Variants in CNOT2 observed in about 807,000 individuals in gnomAD.
The protein encoded by CNOT2 is CC chemokine receptor 4-negative regulator of transcription 2.
In CNOT2, 7 loss-of-function variants were observed where a neutral mutation model predicts 72.1. That is an observed-to-expected ratio of 0.10 (90% CI 0.06 to 0.18). The LOEUF is 0.18. CNOT2 is among the 10% of genes least tolerant of loss of function. The pLI, the probability that CNOT2 is intolerant of heterozygous loss-of-function variation, is 1.00. For synonymous variants in CNOT2, 196 were observed against 225.6 expected (o/e 0.87, Z 1.17); for missense variants, 345 against 660.3 (o/e 0.52, Z 5.23).
At chr12:70,301,872 TATTA>T (rs576476682) in intron 2 of CNOT2, 93 of 152,390 alleles carry the variant, frequency 6.1e-4, no homozygotes, top group African/African-American at 2.1e-3. Context: ...GTTGGTAAGC[TATTA>T]ATTATTGCCT....
intron 3 of CNOT2, among the ~76,000 whole-genome samples, chr12:70,312,560 A>G (rs1464985783): frequency 3.3e-5 from 5 of 151,966 alleles, no homozygotes; most frequent in Non-Finnish European, 5.9e-5. Context: ...CATACTCACA[A>G]ATGTTGGCCA....
chr12:70,313,149 A>T (rs1470629378), intron 3 of CNOT2, among the ~76,000 whole-genome samples: 1 of 151,968 alleles, frequency 6.6e-6, no homozygotes, highest in Non-Finnish European at 1.5e-5. Context: ...TTTTACACAC[A>T]CACAGTGTGA....
intron 2 of CNOT2, among the ~76,000 whole-genome samples, chr12:70,281,481 T>G (rs966579730): frequency 2.6e-5 from 4 of 152,358 alleles, no homozygotes; most frequent in African/African-American, 7.2e-5. Context: ...CTTTCCAATA[T>G]ATCTCCTGTT....
In CNOT2 at chr12:70,265,327, T is replaced by TCTCGTC. The variant is rs200497693; in HGVS notation, c.-95-12805_-95-12804insCTCGTC. Among the ~76,000 whole-genome samples, 304 of 129,294 alleles carry TCTCGTC rather than the reference T, an allele frequency of 2.4e-3. 1 individual carries two copies. The highest frequency in any genetic ancestry group is 4.0e-3 in the Non-Finnish European group (230 of 58,208). 84.8% of individuals were successfully genotyped at this position (129,294 alleles called of 152,430 possible). On this transcript the variant is annotated intron_variant, in intron 1 of 15. Coordinates refer to ENST00000229195, the MANE Select transcript of CNOT2 (RefSeq NM_014515.7). ...TCTCTTCTCTTCTCTTCTCTTCTCT[T>TCTCGTC]TCTTTCTTTTTTCTTTCTTTCTCTC...
intron 14 of CNOT2, 70 bp from the exon 15 acceptor site, chr12:70,346,110 A>T: frequency 9.6e-7 from 1 of 1,037,574 alleles, no homozygotes; most frequent in Non-Finnish European, 1.4e-6. Context: ...GGAAAGCTTT[A>T]CAAAATGTAG....
In CNOT2 at chr12:70,294,497, GA is replaced by G. The variant is rs1357076680; in HGVS notation, c.48+16230del. ...TTAATTCTTGTTAGATGTGAAATAAGAAAAAAACCTTAATAAACTATTAATA... is the reference window on the plus strand; with the variant it reads ...TTAATTCTTGTTAGATGTGAAATAAGAAAAAACCTTAATAAACTATTAATA... On this transcript the variant is annotated intron_variant, in intron 2 of 15. Coordinates refer to ENST00000229195, the MANE Select transcript of CNOT2 (RefSeq NM_014515.7). 3.9e-5 allele frequency among the ~76,000 whole-genome samples: 6 copies of G among 151,934 alleles called. No individual in the cohort carries two copies. The East Asian group carries it at 9.7e-4, about 24-fold the overall frequency.
intron 3 of CNOT2, 166 bp from the exon 4 acceptor site, chr12:70,319,132 C>G (rs1877864834): frequency 2.0e-6 from 1 of 488,666 alleles, no homozygotes; most frequent in Non-Finnish European, 3.5e-6. Flanking sequence ...GTGATATTCT[C>G]TTAAGAAACA....
intron 2 of CNOT2, among the ~76,000 whole-genome samples, chr12:70,298,232 C>T (rs1042830989): frequency 3.3e-5 from 5 of 152,114 alleles, no homozygotes; most frequent in African/African-American, 9.7e-5. Flanking sequence ...CATAAATATT[C>T]GATTGTGGTA....
intron 11 of CNOT2, among the ~76,000 whole-genome samples, chr12:70,340,846 C>A (rs1353746627): frequency 6.6e-6 from 1 of 151,720 alleles, no homozygotes. Flanking sequence ...TGCTCAACAC[C>A]CAGTAAATGT....
intron 2 of CNOT2, among the ~76,000 whole-genome samples, chr12:70,300,007 G>C (rs1297268458): frequency 6.6e-6 from 1 of 152,026 alleles, no homozygotes; most frequent in African/African-American, 2.4e-5. Context: ...TGTTTTTTTG[G>C]CTGCATAAAT....
intron 1 of CNOT2, among the ~76,000 whole-genome samples, chr12:70,269,333 G>T (rs1959174863): frequency 1.4e-5 from 2 of 145,398 alleles, no homozygotes; most frequent in African/African-American, 2.6e-5. Context: ...GTTACTCTCT[G>T]CCAACAACCT....
chr12:70,243,739 A>C (rs951304408), intron 1 of CNOT2: 1 of 151,898 alleles, frequency 6.6e-6, no homozygotes, highest in African/African-American at 2.4e-5. Flanking sequence ...GGTGGACCGG[A>C]CGTAAAGCGT....
intron 2 of CNOT2, chr12:70,294,335 G>A (rs748758150): frequency 1.0e-5 from 13 of 1,272,408 alleles, no homozygotes; most frequent in Non-Finnish European, 1.3e-5. Context: ...AAATGGTACT[G>A]TCATCAGTAT....
chr12:70,255,847 T>C (rs768672651), intron 1 of CNOT2, among the ~76,000 whole-genome samples: 10 of 152,188 alleles, frequency 6.6e-5, no homozygotes, highest in Non-Finnish European at 1.3e-4. Context: ...CTAAAACTTA[T>C]TTATAAAACA....
intron 4 of CNOT2, among the ~76,000 whole-genome samples, chr12:70,328,940 C>G (rs994091701): frequency 3.8e-4 from 58 of 151,802 alleles, no homozygotes; most frequent in African/African-American, 1.3e-3. Flanking sequence ...AGTAAATTGG[C>G]TTTTTCTAAA....
At chr12:70,340,320 C>T (rs1199471801) in intron 11 of CNOT2, among the ~76,000 whole-genome samples, 1 of 152,166 alleles carries the variant, frequency 6.6e-6, no homozygotes, top group Non-Finnish European at 1.5e-5. Context: ...TGGTCTTTTT[C>T]AGTTTCCTTT....
At chr12:70,277,420 T>C (rs952075237) in intron 1 of CNOT2, among the ~76,000 whole-genome samples, 5 of 152,098 alleles carry the variant, frequency 3.3e-5, no homozygotes, top group Admixed American at 6.6e-5. Context: ...TTTTGACTTA[T>C]TTATATCTCT....
intron 2 of CNOT2, among the ~76,000 whole-genome samples, chr12:70,303,928 C>T (rs1593180531): frequency 1.3e-5 from 2 of 152,242 alleles, no homozygotes; most frequent in East Asian, 1.9e-4. Context: ...TCTTTTTTCT[C>T]TAAACTTCTC....
At chr12:70,265,327 T>C (rs1048339969) in intron 1 of CNOT2, among the ~76,000 whole-genome samples, 9 of 129,186 alleles carry the variant, frequency 7.0e-5, no homozygotes, top group Non-Finnish European at 1.4e-4. Context: ...TCTCTTCTCT[T>C]TCTTTCTTTT....
Sources: allele counts gnomAD v4.1 joint callset (sites outside exome capture counted in the v4.1 genomes callset), GRCh38; gene constraint gnomAD v4.1.1; transcripts MANE v1.5; gene names NCBI Gene and HGNC (gene_info 2026-07-23, HGNC 2026-07-21).